The following ADCY2 variants were observed in gnomAD, a reference collection of about 807,000 sequenced individuals.
The protein encoded by ADCY2 is adenylate cyclase type 2.
Under a neutral mutation model 125.2 loss-of-function variants are expected in ADCY2, and 31 were observed. The observed-to-expected ratio is 0.25, with a 90% CI of 0.19 to 0.33. The LOEUF is 0.33. ADCY2 is among the 10% of genes least tolerant of loss of function. ADCY2 has a pLI of 1.00. For synonymous variants in ADCY2, 512 were observed against 548.4 expected, an observed-to-expected ratio of 0.93 and a Z score of 0.93; for missense variants, 904 against 1,418.2, an observed-to-expected ratio of 0.64 and a Z score of 5.82.
chr5:7,461,195 G>C (rs963756108), intron 2 of ADCY2, among the ~76,000 whole-genome samples: 1 of 152,304 alleles, frequency 6.6e-6, no homozygotes, highest in Admixed American at 6.5e-5. Context: ...TACAACCTTA[G>C]AGACCTGTCT....
intron 2 of ADCY2, among the ~76,000 whole-genome samples, chr5:7,486,334 A>G (rs1249595427): frequency 5.9e-5 from 9 of 152,246 alleles, no homozygotes; most frequent in Admixed American, 5.9e-4. Context: ...GCACACACAT[A>G]AATATGTACA....
At chr5:7,625,463 G>A (rs1738088378) in intron 3 of ADCY2, among the ~76,000 whole-genome samples, 2 of 152,186 alleles carry the variant, frequency 1.3e-5, no homozygotes, top group South Asian at 4.1e-4. Flanking sequence ...TTCTGCTTGG[G>A]CAGGACAATT....
At chr5:7,606,797 C>T (rs370373336) in intron 3 of ADCY2, among the ~76,000 whole-genome samples, 9 of 152,292 alleles carry the variant, frequency 5.9e-5, no homozygotes, top group Non-Finnish European at 8.8e-5. Flanking sequence ...GAAAGGTATA[C>T]ATACATTATA....
At chr5:7,401,108 A>C (rs1739247073) in intron 1 of ADCY2, among the ~76,000 whole-genome samples, 1 of 152,164 alleles carries the variant, frequency 6.6e-6, no homozygotes, top group African/African-American at 2.4e-5. Flanking sequence ...TTGTTTGTAA[A>C]ATGGCATGGT....
At position 7,461,233 on chromosome 5, in the gene ADCY2, T is replaced by C. The variant is rs908103185; in HGVS notation, c.408+46463T>C. On this transcript the variant is annotated intron_variant, in intron 2 of 24. Transcript: ENST00000338316. ...CTCTCGTTGGCTGAATTTAGTCATA[T>C]GATTACATCTATCAGGAAGGGACTA... Among the ~76,000 whole-genome samples, 14 of 152,356 alleles carry C rather than the reference T, an allele frequency of 9.2e-5. No individual in the cohort carries two copies. In the South Asian group the frequency reaches 1.7e-3, roughly 18 times the overall value.
chr5:7,489,759 C>T (rs1743089558), intron 2 of ADCY2, among the ~76,000 whole-genome samples: 1 of 152,170 alleles, frequency 6.6e-6, no homozygotes, highest in Admixed American at 6.5e-5. Flanking sequence ...GGATGTAAAA[C>T]ATAGAATATC....
chr5:7,489,857 A>G (rs975055616), intron 2 of ADCY2, among the ~76,000 whole-genome samples: 1 of 152,158 alleles, frequency 6.6e-6, no homozygotes. Context: ...TTGGAGACCC[A>G]GGTTAGCAGA....
intron 15 of ADCY2, among the ~76,000 whole-genome samples, chr5:7,756,025 A>T (rs75728581): frequency 6.6e-6 from 1 of 152,210 alleles, no homozygotes; most frequent in Admixed American, 6.5e-5. Flanking sequence ...ATTTCTTGAA[A>T]TCATCACCTT....
At chr5:7,542,360 A>C in intron 3 of ADCY2, among the ~76,000 whole-genome samples, 1 of 142,196 alleles carries the variant, frequency 7.0e-6, no homozygotes, top group African/African-American at 2.9e-5. Flanking sequence ...AAAATATTAC[A>C]GAAAAAAAAA....
intron 14 of ADCY2, among the ~76,000 whole-genome samples, chr5:7,736,802 C>G (rs933089555): frequency 6.6e-6 from 1 of 152,016 alleles, no homozygotes; most frequent in Non-Finnish European, 1.5e-5. Context: ...ATTATTTAAA[C>G]TCTGATTCAC....
At chr5:7,595,259 T>C (rs1266811106) in intron 3 of ADCY2, among the ~76,000 whole-genome samples, 1 of 152,238 alleles carries the variant, frequency 6.6e-6, no homozygotes, top group Non-Finnish European at 1.5e-5. Context: ...GCTTCGCTTT[T>C]CTTAAAATTA....
intron 3 of ADCY2, among the ~76,000 whole-genome samples, chr5:7,531,912 C>T (rs1267544274): frequency 6.6e-6 from 1 of 152,194 alleles, no homozygotes; most frequent in Middle Eastern, 3.2e-3. Flanking sequence ...AGTTGGACTG[C>T]ACTTGTACTT....
chr5:7,695,818 C>A lies in ADCY2; in HGVS notation c.936C>A (p.Val312=), dbSNP rs1309493439. Residue 312 remains valine (V), a synonymous_variant, in exon 6 of 25, where the codon GTC becomes GTA. Coordinates refer to ENST00000338316, the MANE Select transcript of ADCY2 (RefSeq NM_020546.3). ...LASDCSPGEL[V]HMLNELFGKF... ...GTGACTGCTCCCCGGGAGAACTAGT[C>A]CACATGCTGAATGAGCTCTTTGGAA... The A allele has an allele frequency of 6.8e-6, 11 of 1,612,702 alleles. No individual in the cohort carries two copies. Among genetic ancestry groups the A allele is most frequent in the Non-Finnish European group, 8.5e-6 (10 of 1,179,330 alleles).
In ADCY2 at chr5:7,773,183, G is replaced by T. The variant is rs187256188; in HGVS notation, c.2384+82G>T. 8.8e-6 allele frequency: 12 copies of T among 1,364,610 alleles called. No individual in the cohort carries two copies. In the African/African-American group the frequency reaches 1.5e-4, roughly 17 times the overall value. The allele number at this position is 1,364,610 out of a possible 1,614,324, so 84.5% of individuals were successfully genotyped here. A position where few individuals can be genotyped will look rare whatever the true frequency, so the allele number is the denominator to read the frequency against. ...ATGAGTGTGTGTTGAGTAAATGCAA[G>T]TTAGCGATGTCATTGTCATTGATAA... On this transcript the variant is annotated intron_variant, in intron 18 of 24. Coordinates refer to ENST00000338316, the MANE Select transcript of ADCY2 (RefSeq NM_020546.3).
chr5:7,466,361 T>A (rs958906175), intron 2 of ADCY2, among the ~76,000 whole-genome samples: 2 of 152,224 alleles, frequency 1.3e-5, no homozygotes, highest in Admixed American at 6.5e-5. Flanking sequence ...ATTTTCTATG[T>A]GCCCAACCCA....
At chr5:7,756,950 C>T (rs1026833206) in intron 15 of ADCY2, among the ~76,000 whole-genome samples, 3 of 152,192 alleles carry the variant, frequency 2.0e-5, no homozygotes, top group Non-Finnish European at 4.4e-5. Flanking sequence ...CTGAGATTTT[C>T]AGACACCGTA....
chr5:7,730,812 A>G (rs1329372736), intron 14 of ADCY2, among the ~76,000 whole-genome samples: 4 of 133,074 alleles, frequency 3.0e-5, no homozygotes, highest in East Asian at 4.6e-4. Flanking sequence ...GCTTTTAGGT[A>G]TCTTTTTTGC....
chr5:7,779,865 A>G (rs1743860846), intron 18 of ADCY2, among the ~76,000 whole-genome samples: 1 of 152,222 alleles, frequency 6.6e-6, no homozygotes, highest in Non-Finnish European at 1.5e-5. Flanking sequence ...GCCATTTCCA[A>G]GCCAACACAG....
intron 2 of ADCY2, among the ~76,000 whole-genome samples, chr5:7,443,841 A>C (rs900097018): frequency 6.6e-6 from 1 of 151,896 alleles, no homozygotes; most frequent in African/African-American, 2.4e-5. Flanking sequence ...GTGTTTTAAC[A>C]TCCCTTGGAA....
Sources: gnomAD v4.1 joint callset for allele counts (sites outside exome capture counted in the v4.1 genomes callset) on GRCh38, gnomAD v4.1.1 for gene constraint, MANE v1.5 for transcripts, NCBI Gene and HGNC (gene_info 2026-07-23, HGNC 2026-07-21) for gene names.